Variants in KIF6 observed in about 807,000 individuals in gnomAD.
KIF6 encodes the protein kinesin-like protein KIF6.
In KIF6, 106 loss-of-function variants were observed where a neutral mutation model predicts 112.7. The observed-to-expected ratio is 0.94, with a 90% confidence interval of 0.80 to 1.11. The LOEUF (loss-of-function observed/expected upper bound fraction) is 1.11, where lower values mean the gene tolerates loss of function less well. Among genes scored for constraint, KIF6 ranks in the 50% least tolerant of loss-of-function variants. KIF6 has a pLI of 0.00. For missense variants in KIF6, 929 were observed against 964.0 expected, an observed-to-expected ratio of 0.96 and a Z score of 0.48; for synonymous variants, 339 against 339.9, an observed-to-expected ratio of 1.00 and a Z score of 0.03.
chr6:39,567,949 G>A (rs1195764792), intron 10 of KIF6, among the ~76,000 whole-genome samples: 4 of 152,202 alleles, frequency 2.6e-5, no homozygotes, highest in Admixed American at 2.6e-4. Flanking sequence ...CTGGTCCTGG[G>A]GACCCTGAGT....
chr6:39,366,063 G>A (rs1194651753), intron 16 of KIF6, among the ~76,000 whole-genome samples: 2 of 152,260 alleles, frequency 1.3e-5, no homozygotes, highest in African/African-American at 4.8e-5. Context: ...TTCCCTGGCA[G>A]GTCACAGAGT....
At chr6:39,362,898 C>T (rs1765271743) in intron 16 of KIF6, among the ~76,000 whole-genome samples, 1 of 152,314 alleles carries the variant, frequency 6.6e-6, no homozygotes, top group East Asian at 1.9e-4. Flanking sequence ...CTTGTAATCC[C>T]AGCACTTTGG....
intron 5 of KIF6, among the ~76,000 whole-genome samples, chr6:39,613,905 C>T (rs994159908): frequency 2.0e-5 from 3 of 152,056 alleles, no homozygotes; most frequent in Admixed American, 6.6e-5. Context: ...TATTTTAATG[C>T]CTCTCAAATC....
intron 22 of KIF6, among the ~76,000 whole-genome samples, chr6:39,338,964 C>A (rs1763174951): frequency 6.6e-6 from 1 of 151,750 alleles, no homozygotes; most frequent in African/African-American, 2.4e-5. Context: ...TGGGGTGGGG[C>A]CTGGGAAGAA....
At chr6:39,352,835 C>T (rs1415537927) in intron 19 of KIF6, among the ~76,000 whole-genome samples, 3 of 152,120 alleles carry the variant, frequency 2.0e-5, no homozygotes, top group African/African-American at 7.2e-5. Context: ...AATTCCTGAC[C>T]TCAAGTGATC....
intron 13 of KIF6, among the ~76,000 whole-genome samples, chr6:39,484,581 C>A (rs1339919913): frequency 1.3e-5 from 2 of 152,036 alleles, no homozygotes; most frequent in Non-Finnish European, 2.9e-5. Flanking sequence ...GGCCAATGCC[C>A]CTTAAAGACT....
intron 13 of KIF6, among the ~76,000 whole-genome samples, chr6:39,444,150 A>G (rs1242521690): frequency 6.6e-6 from 1 of 152,224 alleles, no homozygotes; most frequent in African/African-American, 2.4e-5. Context: ...TAAGGTTGAA[A>G]GAGGTTAAAA....
chr6:39,533,092 C>T lies in KIF6; in HGVS notation c.1645+6911G>A, dbSNP rs555963092. Among the ~76,000 whole-genome samples the T allele has an allele frequency of 5.4e-4, 82 of 152,292 alleles. 1 individual carries two copies. Among genetic ancestry groups the T allele is most frequent in the African/African-American group, 1.3e-3 (55 of 41,558 alleles). On this transcript the variant is annotated intron_variant, in intron 13 of 22. Transcript: ENST00000287152. ...CTCCCAGCGTGAGCGACGCAGAAGA[C>T]GGGTGATTTCTGCATTTCTGTCTAA... is the stretch of plus-strand genomic sequence containing the variant.
chr6:39,711,852 A>G (rs1395447773), intron 3 of KIF6, among the ~76,000 whole-genome samples: 1 of 152,206 alleles, frequency 6.6e-6, no homozygotes, highest in African/African-American at 2.4e-5. Context: ...GAGGTATAGG[A>G]GAGGCAAAGT....
intron 3 of KIF6, 78 bp downstream of exon 3, chr6:39,714,614 A>T: frequency 1.1e-6 from 1 of 926,586 alleles, no homozygotes; most frequent in Non-Finnish European, 1.8e-6. Flanking sequence ...ACACTTAAGC[A>T]CACTACCACA....
intron 3 of KIF6, among the ~76,000 whole-genome samples, chr6:39,653,016 G>A (rs1785566332): frequency 6.6e-6 from 1 of 152,184 alleles, no homozygotes; most frequent in African/African-American, 2.4e-5. Context: ...CTGGCTTCAT[G>A]TTTTTAAAAT....
intron 13 of KIF6, among the ~76,000 whole-genome samples, chr6:39,531,943 C>T (rs114079095): frequency 0.013 from 1,937 of 152,184 alleles, 41 homozygotes; most frequent in African/African-American, 0.044. Context: ...CCTAACCACA[C>T]CTGGCTTTTG....
chr6:39,702,689 AC>A (rs1169750438), intron 3 of KIF6, among the ~76,000 whole-genome samples: 1 of 152,224 alleles, frequency 6.6e-6, no homozygotes, highest in Non-Finnish European at 1.5e-5. Flanking sequence ...GGCATGAGCC[AC>A]CAAGGCAGTC....
At chr6:39,595,638 T>C (rs929314161) in intron 7 of KIF6, among the ~76,000 whole-genome samples, 2 of 152,172 alleles carry the variant, frequency 1.3e-5, no homozygotes, top group Non-Finnish European at 2.9e-5. Flanking sequence ...AAGGAAGAAA[T>C]TCTGATACAT....
intron 13 of KIF6, among the ~76,000 whole-genome samples, chr6:39,489,990 T>G (rs914499425): frequency 3.3e-5 from 5 of 152,246 alleles, no homozygotes; most frequent in Non-Finnish European, 5.9e-5. Context: ...AAGCTCTTAC[T>G]AAATTAAATG....
intron 7 of KIF6, among the ~76,000 whole-genome samples, chr6:39,590,821 C>T (rs1781909483): frequency 1.3e-5 from 2 of 152,066 alleles, no homozygotes; most frequent in Non-Finnish European, 2.9e-5. Flanking sequence ...AAATGTAACC[C>T]AAACTGGTTT....
chr6:39,529,781 C>T (rs941567346), intron 13 of KIF6, among the ~76,000 whole-genome samples: 16 of 150,956 alleles, frequency 1.1e-4, no homozygotes, highest in Admixed American at 5.3e-4. Flanking sequence ...AGCGAGACTC[C>T]GTCTCAAAAA....
intron 16 of KIF6, among the ~76,000 whole-genome samples, chr6:39,370,954 C>T (rs1353249776): frequency 1.3e-5 from 2 of 152,134 alleles, no homozygotes; most frequent in African/African-American, 2.4e-5. Flanking sequence ...GTTGACCCAA[C>T]ATGGGCTATA....
intron 10 of KIF6, among the ~76,000 whole-genome samples, chr6:39,575,247 G>A (rs1251657852): frequency 6.6e-6 from 1 of 151,770 alleles, no homozygotes; most frequent in Non-Finnish European, 1.5e-5. Context: ...TGAAGCAGCT[G>A]CCAGTGCTTG....
Sources: gnomAD v4.1 joint callset for allele counts (sites outside exome capture counted in the v4.1 genomes callset) on GRCh38, gnomAD v4.1.1 for gene constraint, MANE v1.5 for transcripts, NCBI Gene and HGNC (gene_info 2026-07-23, HGNC 2026-07-21) for gene names.